The following TGFBR3 variants were observed in gnomAD, a reference collection of about 807,000 sequenced individuals.
The protein encoded by TGFBR3 is transforming growth factor beta receptor type 3.
TGFBR3 carries 46 observed loss-of-function variants against 87.9 expected under a neutral mutation model. The observed-to-expected ratio is 0.52, with a 90% CI of 0.41 to 0.67. The LOEUF (loss-of-function observed/expected upper bound fraction) is 0.67, where lower values mean the gene tolerates loss of function less well. Among genes scored for constraint, TGFBR3 ranks in the 30% least tolerant of loss-of-function variants. The probability of loss-of-function intolerance (pLI) is 0.00; values close to 1 mark genes in which losing one functional copy is unlikely to be tolerated. For synonymous variants in TGFBR3, 381 were observed against 391.6 expected, an observed-to-expected ratio of 0.97 and a Z score of 0.32; for missense variants, 866 against 1,041.9, an observed-to-expected ratio of 0.83 and a Z score of 2.32.
At chr1:91,755,463 C>T (rs1238451643) in intron 4 of TGFBR3, among the ~76,000 whole-genome samples, 1 of 152,150 alleles carries the variant, frequency 6.6e-6, no homozygotes, top group Non-Finnish European at 1.5e-5. Flanking sequence ...ACCGTTTTCC[C>T]TAAAGGAAGC....
At chr1:91,795,676 AAG>A (rs1439161335) in intron 3 of TGFBR3, among the ~76,000 whole-genome samples, 1 of 152,180 alleles carries the variant, frequency 6.6e-6, no homozygotes. Flanking sequence ...GTCGCTGCTA[AAG>A]AATTGCTGGA....
chr1:91,896,788 C>T (rs1679560828), intron 2 of TGFBR3, among the ~76,000 whole-genome samples: 1 of 152,058 alleles, frequency 6.6e-6, no homozygotes, highest in South Asian at 2.1e-4. Context: ...CTGGAAAACG[C>T]TGGCTATTTC....
chr1:91,730,097 G>A (rs1292656095), intron 5 of TGFBR3, 124 bp from the exon 6 acceptor site: 8 of 1,111,090 alleles, frequency 7.2e-6, no homozygotes, highest in Non-Finnish European at 1.1e-5. Flanking sequence ...TCAAAGGATG[G>A]TTCTTCGTCT....
chr1:91,735,010 A>G, intron 4 of TGFBR3, 51 bp from the exon 5 acceptor site: 1 of 1,602,312 alleles, frequency 6.2e-7, no homozygotes, highest in Non-Finnish European at 8.5e-7. Context: ...CCGGAGCTGA[A>G]TCATAATTAG....
intron 7 of TGFBR3, among the ~76,000 whole-genome samples, chr1:91,726,546 G>A (rs1443950311): frequency 4.0e-5 from 6 of 151,160 alleles, no homozygotes; most frequent in South Asian, 2.1e-4. Flanking sequence ...AAAAACCCAC[G>A]GGAACCAGAA....
intron 4 of TGFBR3, among the ~76,000 whole-genome samples, chr1:91,736,300 C>T (rs1672965923): frequency 6.6e-6 from 1 of 150,706 alleles, no homozygotes; most frequent in Non-Finnish European, 1.5e-5. Context: ...CAGAAATGAT[C>T]GTGACTACAC....
At chr1:91,843,810 CA>C (rs1677377780) in intron 2 of TGFBR3, among the ~76,000 whole-genome samples, 1 of 152,178 alleles carries the variant, frequency 6.6e-6, no homozygotes, top group African/African-American at 2.4e-5. Context: ...ATGTCTCTGT[CA>C]AGACCACTCT....
rs138143402 is a variant in TGFBR3, at chr1:91,812,881, T to C, written c.62-15410A>G. Among the ~76,000 whole-genome samples, 1,494 of 152,334 alleles carry C rather than the reference T, an allele frequency of 9.8e-3. 34 individuals are homozygous for C. Among genetic ancestry groups the C allele is most frequent in the African/African-American group, 0.034 (1,410 of 41,576 alleles). The stretch of plus-strand genomic sequence containing the variant: ...TGTCCATCTCTGCTTCCCAAAGTTC[T>C]GGGATTACAGGTGTGAGCTACCGTG... On this transcript the variant is annotated intron_variant, in intron 2 of 16. Transcript: ENST00000212355.
At chr1:91,855,928 T>C (rs1677924554) in intron 2 of TGFBR3, among the ~76,000 whole-genome samples, 1 of 152,046 alleles carries the variant, frequency 6.6e-6, no homozygotes, top group Non-Finnish European at 1.5e-5. Context: ...TTAACCCAAG[T>C]AAATCACCTA....
chr1:91,791,387 CATTTTATA>C (rs1675187984), intron 3 of TGFBR3, among the ~76,000 whole-genome samples: 1 of 151,970 alleles, frequency 6.6e-6, no homozygotes, highest in Non-Finnish European at 1.5e-5. Context: ...CTCAGCCCTG[CATTTTATA>C]ATTACTGACA....
At chr1:91,797,002 T>C (rs534181149) in intron 3 of TGFBR3, among the ~76,000 whole-genome samples, 1 of 152,186 alleles carries the variant, frequency 6.6e-6, no homozygotes, top group South Asian at 2.1e-4. Flanking sequence ...AGTGCTGAGA[T>C]TACAGGTGTG....
At chr1:91,823,290 C>A (rs974851847) in intron 2 of TGFBR3, among the ~76,000 whole-genome samples, 4 of 152,122 alleles carry the variant, frequency 2.6e-5, no homozygotes, top group African/African-American at 9.7e-5. Context: ...GTATTAAAAC[C>A]AACATAGGTA....
chr1:91,776,571 G>A (rs927552995), intron 3 of TGFBR3, among the ~76,000 whole-genome samples: 1 of 152,024 alleles, frequency 6.6e-6, no homozygotes, highest in Non-Finnish European at 1.5e-5. Flanking sequence ...TTCCAGGGGT[G>A]TTGAAAAAAA....
At chr1:91,851,335 T>C (rs1487283607) in intron 2 of TGFBR3, among the ~76,000 whole-genome samples, 1 of 152,156 alleles carries the variant, frequency 6.6e-6, no homozygotes, top group Non-Finnish European at 1.5e-5. Flanking sequence ...TCAGGATAAA[T>C]GTTTTTTAGG....
At chr1:91,829,704 A>C (rs1334665205) in intron 2 of TGFBR3, 2 of 152,232 alleles carry the variant, frequency 1.3e-5, no homozygotes, top group Non-Finnish European at 2.9e-5. Context: ...AAGGACTCTA[A>C]GGGGACAACA....
At chr1:91,694,499 G>T (rs1455666558) in intron 16 of TGFBR3, among the ~76,000 whole-genome samples, 2 of 152,186 alleles carry the variant, frequency 1.3e-5, no homozygotes, top group Non-Finnish European at 2.9e-5. Context: ...TGAAAATTCT[G>T]ATTTGAATCT....
At chr1:91,803,506 T>C (rs1675719929) in intron 2 of TGFBR3, among the ~76,000 whole-genome samples, 1 of 150,162 alleles carries the variant, frequency 6.7e-6, no homozygotes, top group African/African-American at 2.4e-5. Flanking sequence ...GGGTACTTGA[T>C]GAACATGGAG....
chr1:91,887,041 G>GTT (rs1679339898), upstream of TGFBR3, among the ~76,000 whole-genome samples: 1 of 152,012 alleles, frequency 6.6e-6, no homozygotes, highest in East Asian at 1.9e-4. Flanking sequence ...GTATACTTAA[G>GTT]TAACAGGACA....
chr1:91,703,496 A>G (rs751377466), intron 14 of TGFBR3, among the ~76,000 whole-genome samples: 1 of 152,216 alleles, frequency 6.6e-6, no homozygotes, highest in Admixed American at 6.5e-5. Flanking sequence ...AATTAAACAC[A>G]TCTATAGGTA....
Sources: allele counts gnomAD v4.1 joint callset (sites outside exome capture counted in the v4.1 genomes callset), GRCh38; gene constraint gnomAD v4.1.1; transcripts MANE v1.5; gene names NCBI Gene and HGNC (gene_info 2026-07-23, HGNC 2026-07-21).